The following PRDX3 variants were observed in gnomAD, a reference collection of about 807,000 sequenced individuals.
PRDX3 encodes peroxiredoxin 3, also known as thioredoxin-dependent peroxide reductase, mitochondrial.
A neutral mutation model predicts 30.4 loss-of-function variants in PRDX3; 20 were observed. The ratio of observed to expected loss-of-function variants is 0.66; its 90% CI spans 0.46 to 0.96. The LOEUF is 0.96. Ranked by LOEUF, PRDX3 falls within the 40% of genes least tolerant of loss-of-function variation. The probability of loss-of-function intolerance (pLI) is 0.00; values close to 1 mark genes in which losing one functional copy is unlikely to be tolerated. For missense variants in PRDX3, 322 were observed against 318.3 expected (o/e 1.01, Z -0.09); for synonymous variants, 124 against 117.8 (o/e 1.05, Z -0.34).
In PRDX3 at chr10:119,167,903, T is replaced by A. The variant is rs1335680626; in HGVS notation, c.*577A>T. The stretch of plus-strand genomic sequence containing the variant: ...GAATAAAATAAGTAAAATGACTACA[T>A]AAACTCAATTTCAGGGATGAGGGAT... On this transcript the variant is annotated 3_prime_UTR_variant, in exon 7 of 7. Coordinates refer to ENST00000298510, the MANE Select transcript of PRDX3 (RefSeq NM_006793.5). 1 of 152,280 alleles carries A rather than the reference T, an allele frequency of 6.6e-6. No homozygotes were observed. The highest frequency in any genetic ancestry group is 1.9e-4 in the East Asian group (1 of 5,200). The allele number at this position is 152,280 out of a possible 1,614,324, so 9.4% of individuals were successfully genotyped here.
chr10:119,169,665 CA>C (rs1847858774), intron 5 of PRDX3: 1 of 176,554 alleles, frequency 5.7e-6, no homozygotes, highest in Non-Finnish European at 1.2e-5. Context: ...AGTGACTTGG[CA>C]AGCATTCTTT....
At chr10:119,168,782 CCTGG>C (rs1217418035) in intron 6 of PRDX3, among the ~76,000 whole-genome samples, 2 of 152,098 alleles carry the variant, frequency 1.3e-5, no homozygotes, top group Non-Finnish European at 2.9e-5. Context: ...TCCAGACCAT[CCTGG>C]CTAACACGGT....
At chr10:119,177,950 G>A (rs936311626) in intron 1 of PRDX3, among the ~76,000 whole-genome samples, 6 of 146,298 alleles carry the variant, frequency 4.1e-5, no homozygotes, top group Non-Finnish European at 7.4e-5. Flanking sequence ...GCGCGATCTC[G>A]GCTCGCTGCA....
chr10:119,169,098 C>G, intron 6 of PRDX3, 79 bp downstream of exon 6: 1 of 1,507,912 alleles, frequency 6.6e-7, no homozygotes, highest in Non-Finnish European at 9.1e-7. Flanking sequence ...AGTGGGCTCC[C>G]TTTTGTGGAT....
In PRDX3 at chr10:119,169,326, C is replaced by G. The variant is rs2133650052; in HGVS notation, c.568G>C (p.Asp190His). 1 of 1,613,890 alleles carries G rather than the reference C, an allele frequency of 6.2e-7. No individual in the cohort carries two copies. Among genetic ancestry groups the G allele is most frequent in the African/African-American group, 1.3e-5 (1 of 75,028 alleles). The change falls in exon 6 of 7, where the codon GAC becomes CAC. Residue 190 changes from aspartate (D) to histidine (H), a missense_variant. By Grantham distance (81) the Asp-to-His change is moderately conservative. Transcript: ENST00000298510. Reference protein sequence around the residue: ...GLALRGLFIIDPNGVIKHLSV... With the variant: ...GLALRGLFIIHPNGVIKHLSV... The stretch of plus-strand genomic sequence containing the variant: ...AAATGCTTGATGACTCCATTGGGGT[C>G]AATTATGAAGAGACCTCTGCATGAT...
intron 5 of PRDX3, among the ~76,000 whole-genome samples, chr10:119,171,564 A>G (rs1490989160): frequency 6.6e-6 from 1 of 152,182 alleles, no homozygotes; most frequent in African/African-American, 2.4e-5. Context: ...AGCTTTTCAC[A>G]CTCAAAGGAA....
intron 5 of PRDX3, among the ~76,000 whole-genome samples, chr10:119,171,861 C>T (rs1388580187): frequency 6.6e-6 from 1 of 152,184 alleles, no homozygotes; most frequent in Non-Finnish European, 1.5e-5. Flanking sequence ...GTCACCATTC[C>T]AAGAGACTAC....
Position 119,169,321 on chromosome 10 carries a change from G to A in PRDX3, c.573C>T (p.Pro191=), listed in dbSNP as rs1378438618. The change falls in exon 6 of 7, where the codon CCC becomes CCT. Residue 191 remains proline, a synonymous_variant. Coordinates refer to ENST00000298510, the MANE Select transcript of PRDX3 (RefSeq NM_006793.5). The part of the protein sequence containing the change: ...LALRGLFIID[P]NGVIKHLSVN... ...CGCTCAAATGCTTGATGACTCCATTGGGGTCAATTATGAAGAGACCTCTGC... is the reference window on the plus strand; with the variant it reads ...CGCTCAAATGCTTGATGACTCCATTAGGGTCAATTATGAAGAGACCTCTGC... 1.2e-6 allele frequency: 2 copies of A among 1,613,926 alleles called. No individual in the cohort carries two copies. Among genetic ancestry groups the A allele is most frequent in the Admixed American group, 3.3e-5 (2 of 60,000 alleles).
Position 119,178,034 on chromosome 10 carries a change from T to C in PRDX3, c.36+721A>G, listed in dbSNP as rs1564840336. ...GAGCACTGACCACCATGCCCGGCTA[T>C]TTTTTTTTTTAGAGACAAGGTCTCA... On this transcript the variant is annotated intron_variant, in intron 1 of 6. Transcript: ENST00000298510. Among the ~76,000 whole-genome samples the C allele has an allele frequency of 4.2e-5, 6 of 142,278 alleles. No homozygotes were observed. In the South Asian group the frequency reaches 1.1e-3, roughly 26 times the overall value. 93.3% of individuals were successfully genotyped at this position (142,278 alleles called of 152,430 possible).
At position 119,169,149 on chromosome 10, in the gene PRDX3, C is replaced by T. The variant is rs773728158; in HGVS notation, c.717+28G>A. Reference sequence around the variant, plus strand: ...CTCTCGAGGCTGAGAGAACATGGACCTCACTGCTTTTGGGGAAAAAAACCT... The same window carrying T: ...CTCTCGAGGCTGAGAGAACATGGACTTCACTGCTTTTGGGGAAAAAAACCT... On this transcript the variant is annotated intron_variant, in intron 6 of 6. Coordinates refer to ENST00000298510, the MANE Select transcript of PRDX3 (RefSeq NM_006793.5). The T allele has an allele frequency of 1.9e-6, 3 of 1,609,224 alleles. No homozygotes were observed. In the East Asian group the frequency reaches 6.7e-5, roughly 36 times the overall value.
intron 1 of PRDX3, among the ~76,000 whole-genome samples, chr10:119,178,207 G>C (rs918914125): frequency 2.0e-5 from 3 of 152,122 alleles, no homozygotes; most frequent in Admixed American, 6.5e-5. Context: ...GAGAACGAAA[G>C]GGGCTGTGTT....
intron 4 of PRDX3, 96 bp from the exon 5 acceptor site, chr10:119,172,581 G>GT: frequency 9.7e-7 from 1 of 1,027,540 alleles, no homozygotes; most frequent in Non-Finnish European, 1.5e-6. Context: ...ACGGCGATAG[G>GT]TAACAGTAAT....
In PRDX3 at chr10:119,175,837, G is replaced by A. The variant is rs1848014449; in HGVS notation, c.169+1184C>T. Among the ~76,000 whole-genome samples, 4 of 150,276 alleles carry A rather than the reference G, an allele frequency of 2.7e-5. No homozygotes were observed. In the South Asian group the frequency reaches 8.4e-4, roughly 32 times the overall value. On this transcript the variant is annotated intron_variant, in intron 2 of 6. Coordinates refer to ENST00000298510, the MANE Select transcript of PRDX3 (RefSeq NM_006793.5). Reference sequence around the variant, plus strand: ...TCTGTCACCTAGGCTGGAGTGTAGTGGCATGGTCTCGGCTCACTGCAACCT... The same window carrying A: ...TCTGTCACCTAGGCTGGAGTGTAGTAGCATGGTCTCGGCTCACTGCAACCT...
intron 5 of PRDX3, 154 bp from the exon 6 acceptor site, chr10:119,169,496 A>AG: frequency 1.6e-6 from 1 of 640,656 alleles, no homozygotes; most frequent in Non-Finnish European, 2.6e-6. Flanking sequence ...TTGTGCAAAA[A>AG]ACTTATCATC....
chr10:119,173,927 C>G, intron 3 of PRDX3, 55 bp from the exon 4 acceptor site: 2 of 1,551,220 alleles, frequency 1.3e-6, no homozygotes, highest in Non-Finnish European at 1.8e-6. Context: ...AGGATTTTAA[C>G]AATTAGTGGT....
chr10:119,177,716 G>A (rs546289182), intron 1 of PRDX3, among the ~76,000 whole-genome samples: 1 of 148,328 alleles, frequency 6.7e-6, no homozygotes, highest in South Asian at 2.2e-4. Flanking sequence ...AGAAGCCAGG[G>A]GACTTGTGCA....
chr10:119,177,584 G>A (rs1315546495), intron 1 of PRDX3, among the ~76,000 whole-genome samples: 1 of 150,950 alleles, frequency 6.6e-6, no homozygotes, highest in Non-Finnish European at 1.5e-5. Flanking sequence ...GCTTGAACCC[G>A]GGAGGCAGAG....
At position 119,172,378 on chromosome 10, in the gene PRDX3, T is replaced by C; in HGVS notation, c.551+4A>G. 6.3e-7 allele frequency: 1 copy of C among 1,597,534 alleles called. No individual in the cohort carries two copies. Among genetic ancestry groups the C allele is most frequent in the Non-Finnish European group, 8.6e-7 (1 of 1,164,920 alleles). ...TCTTAAGTTCATCAGAAACAGGATC[T>C]TACCTTAGTGCAAGACCAGAACCTT... is the stretch of plus-strand genomic sequence containing the variant. On this transcript the variant is annotated splice_donor_region_variant and intron_variant, in intron 5 of 6. Transcript: ENST00000298510.
rs200149782 is a variant in PRDX3 at position 119,169,332 on chromosome 10, T to C, written c.562A>G (p.Ile188Val). 1 of 1,613,786 alleles carries C rather than the reference T, an allele frequency of 6.2e-7. No individual in the cohort carries two copies. The highest frequency in any genetic ancestry group is 8.5e-7 in the Non-Finnish European group (1 of 1,179,802). ...TTGATGACTCCATTGGGGTCAATTA[T>C]GAAGAGACCTCTGCATGATCATTTA... ...GSGLALRGLF[I>V]IDPNGVIKHL... The change falls in exon 6 of 7, where the codon ATA (isoleucine) becomes GTA (valine). Residue 188 changes from isoleucine to valine, a missense_variant. Coordinates refer to ENST00000298510, the MANE Select transcript of PRDX3 (RefSeq NM_006793.5).
Sources: allele counts gnomAD v4.1 joint callset (sites outside exome capture counted in the v4.1 genomes callset), GRCh38; gene constraint gnomAD v4.1.1; transcripts MANE v1.5; gene names NCBI Gene and HGNC (gene_info 2026-07-23, HGNC 2026-07-21).